SCN2A: variants seen among roughly 807,000 people sequenced by gnomAD.
SCN2A encodes sodium voltage-gated channel alpha subunit 2.
In SCN2A, 20 loss-of-function variants were observed where a neutral mutation model predicts 188.7. That is an observed-to-expected ratio of 0.11 (90% CI 0.07 to 0.15). The LOEUF (loss-of-function observed/expected upper bound fraction) is 0.15. SCN2A is among the 10% of genes least tolerant of loss of function. The probability of loss-of-function intolerance (pLI) is 1.00; values close to 1 mark genes in which losing one functional copy is unlikely to be tolerated. For synonymous variants in SCN2A, 804 were observed against 833.1 expected (o/e 0.97, Z 0.60); for missense variants, 1,278 against 2,445.0 (o/e 0.52, Z 10.07).
intron 14 of SCN2A, among the ~76,000 whole-genome samples, chr2:165,340,644 A>T (rs1031339911): frequency 6.6e-6 from 1 of 152,214 alleles, no homozygotes; most frequent in African/African-American, 2.4e-5. Context: ...ATAAAAATGT[A>T]ACTTATTATA....
intron 20 of SCN2A, chr2:165,372,719 G>A (rs1414550108): frequency 6.5e-6 from 1 of 153,106 alleles, no homozygotes; most frequent in Non-Finnish European, 1.5e-5. Context: ...ATTTACAAAA[G>A]TCAAAGCTGC....
At chr2:165,366,734 G>T (rs1396503871) in intron 18 of SCN2A, among the ~76,000 whole-genome samples, 2 of 103,356 alleles carry the variant, frequency 1.9e-5, no homozygotes, top group Non-Finnish European at 4.1e-5. Flanking sequence ...AAAAAAAAAA[G>T]GTGGAATAGT....
At chr2:165,386,600 GA>G in intron 25 of SCN2A, 145 bp from the exon 26 acceptor site, 1 of 860,346 alleles carries the variant, frequency 1.2e-6, no homozygotes. Flanking sequence ...GTTTTGCAAG[GA>G]ATTTTTTTTT....
chr2:165,316,794 GTAT>G (rs1213893003), intron 11 of SCN2A, among the ~76,000 whole-genome samples: 1 of 152,094 alleles, frequency 6.6e-6, no homozygotes, highest in South Asian at 2.1e-4. Flanking sequence ...CTGTAGAATA[GTAT>G]TATTTTCATT....
rs12614399 is a variant in SCN2A, at chr2:165,293,790, G to C, written c.-51-1983G>C. ...ACAAAGTTTTAATGTTTCGTTCCAA[G>C]AAAAGCCTGTGGAAGATCAGTTCCA... On this transcript the variant is annotated intron_variant, in intron 1 of 26. Transcript: ENST00000375437. 235,230 of 968,570 alleles carry C rather than the reference G, an allele frequency of 0.24. 29,213 individuals carry two copies. Among genetic ancestry groups the C allele is most frequent in the East Asian group, 0.36 (3,111 of 8,654 alleles). 60.0% of individuals were successfully genotyped at this position (968,570 alleles called of 1,614,324 possible).
intron 4 of SCN2A, 118 bp from the exon 5 acceptor site, chr2:165,308,548 C>G: frequency 9.9e-7 from 1 of 1,011,798 alleles, no homozygotes; most frequent in Non-Finnish European, 1.5e-6. Context: ...AACTCTATAT[C>G]GTAGGGGGAC....
At position 165,365,279 on chromosome 2, in the gene SCN2A, A is replaced by C. The variant is rs764790739; in HGVS notation, c.3520+16A>C. ...TTTACAGAAGGTAAGCAAAACAATA[A>C]CATATGTGGTCTTGAGTATCCTCTT... On this transcript the variant is annotated intron_variant, in intron 18 of 26. Coordinates refer to ENST00000375437, the MANE Select transcript of SCN2A (RefSeq NM_001040142.2). 1 of 1,613,424 alleles carries C rather than the reference A, an allele frequency of 6.2e-7. No individual in the cohort carries two copies. Among genetic ancestry groups the C allele is most frequent in the Admixed American group, 1.7e-5 (1 of 60,006 alleles).
At chr2:165,315,850 G>T in intron 11 of SCN2A, 92 bp downstream of exon 11, 1 of 1,385,812 alleles carries the variant, frequency 7.2e-7, no homozygotes, top group Non-Finnish European at 1.0e-6. Flanking sequence ...CTTCCACCTG[G>T]ATGGCACAAT....
intron 1 of SCN2A, among the ~76,000 whole-genome samples, chr2:165,277,438 G>T (rs1011704320): frequency 6.6e-6 from 1 of 152,290 alleles, no homozygotes; most frequent in Admixed American, 6.5e-5. Flanking sequence ...CTTTTATAGG[G>T]AGAATGTAGA....
At chr2:165,373,667 C>T (rs538045046) in intron 21 of SCN2A, among the ~76,000 whole-genome samples, 5 of 152,196 alleles carry the variant, frequency 3.3e-5, no homozygotes, top group Admixed American at 6.6e-5. Flanking sequence ...AAATCCTACT[C>T]GCTGTAGTTT....
At chr2:165,351,801 G>C (rs1430855861) in intron 16 of SCN2A, among the ~76,000 whole-genome samples, 1 of 151,132 alleles carries the variant, frequency 6.6e-6, no homozygotes, top group Non-Finnish European at 1.5e-5. Flanking sequence ...TATTGATACT[G>C]CTCTAGGACT....
intron 1 of SCN2A, among the ~76,000 whole-genome samples, chr2:165,257,294 T>C (rs1694367805): frequency 6.6e-6 from 1 of 152,222 alleles, no homozygotes; most frequent in African/African-American, 2.4e-5. Flanking sequence ...TCAGGTATAA[T>C]TGTGGTCTTC....
intron 11 of SCN2A, among the ~76,000 whole-genome samples, chr2:165,321,103 CA>C (rs1203409738): frequency 6.6e-6 from 1 of 152,166 alleles, no homozygotes; most frequent in Non-Finnish European, 1.5e-5. Context: ...TTTCTTCTGC[CA>C]GATACTCTAA....
At chr2:165,353,468 C>T (rs1700031406) in intron 16 of SCN2A, among the ~76,000 whole-genome samples, 1 of 152,074 alleles carries the variant, frequency 6.6e-6, no homozygotes, top group South Asian at 2.1e-4. Context: ...GTCAAAATAG[C>T]ATCTGTATTA....
At position 165,389,008 on chromosome 2, in the gene SCN2A, C is replaced by G; in HGVS notation, c.5202C>G (p.Asp1734Glu). Residue 1734 changes from aspartate (D) to glutamate (E), a missense_variant, in exon 27 of 27, where the codon GAC becomes GAG. Asp to Glu is a conservative substitution (Grantham distance 45). Around this residue, in one of 17 missense-constraint regions of SCN2A, gnomAD observed 47 missense variants for 109.0 expected, o/e 0.43. Transcript: ENST00000375437. The surrounding 1 kb of genome is among the most constrained non-coding windows in gnomAD (Gnocchi z 4.2). ...GTGGACCTCCAGACTGTGACCCTGACAAAGATCACCCTGGAAGCTCAGTTA... is the reference window on the plus strand; with the variant it reads ...GTGGACCTCCAGACTGTGACCCTGAGAAAGATCACCCTGGAAGCTCAGTTA... ...LNSGPPDCDP[D>E]KDHPGSSVKG... 1 of 1,614,098 alleles carries G rather than the reference C, an allele frequency of 6.2e-7. No individual in the cohort carries two copies. The highest frequency in any genetic ancestry group is 8.5e-7 in the Non-Finnish European group (1 of 1,180,004).
rs529198637 is a variant in SCN2A, at chr2:165,350,293, A to G, written c.2920-3899A>G. Among the ~76,000 whole-genome samples the G allele has an allele frequency of 3.9e-5, 6 of 152,224 alleles. No individual in the cohort carries two copies. The South Asian group carries it at 8.3e-4, about 21-fold the overall frequency. On this transcript the variant is annotated intron_variant, in intron 16 of 26. Coordinates refer to ENST00000375437, the MANE Select transcript of SCN2A (RefSeq NM_001040142.2). ...ATCAGGATGGAGAAACAATTAAAATATGTAATATGTTTCAACCTTGAATTC... is the reference window on the plus strand; with the variant it reads ...ATCAGGATGGAGAAACAATTAAAATGTGTAATATGTTTCAACCTTGAATTC...
chr2:165,372,943 C>T, intron 20 of SCN2A: 6 of 248,706 alleles, frequency 2.4e-5, no homozygotes, highest in South Asian at 7.6e-5. Context: ...CATTTCCTAC[C>T]AAGAATCTTG....
Position 165,313,605 on chromosome 2 carries a change from C to T in SCN2A, c.1035-15C>T. On this transcript the variant is annotated splice_polypyrimidine_tract_variant and intron_variant, in intron 8 of 26. Transcript: ENST00000375437. ...CCGTTATTGACTTCCTTTCTTTCCT[C>T]TAACCTAATTATAGCCAGTGTCCTG... is the stretch of plus-strand genomic sequence containing the variant. 6.2e-7 allele frequency: 1 copy of T among 1,613,102 alleles called. No homozygotes were observed. Among genetic ancestry groups the T allele is most frequent in the South Asian group, 1.1e-5 (1 of 91,060 alleles).
intron 25 of SCN2A, among the ~76,000 whole-genome samples, chr2:165,382,255 G>A (rs1051077856): frequency 7.9e-5 from 12 of 152,048 alleles, no homozygotes; most frequent in African/African-American, 2.9e-4. Flanking sequence ...TACCATACGA[G>A]TCTGAAGAAA....
Sources: allele counts gnomAD v4.1 joint callset (sites outside exome capture counted in the v4.1 genomes callset), GRCh38; gene constraint gnomAD v4.1.1; regional missense constraint gnomAD v4.1.1; non-coding constraint Gnocchi (gnomAD v3.1); transcripts MANE v1.5; gene names NCBI Gene and HGNC (gene_info 2026-07-23, HGNC 2026-07-21).